The following PTPRT variants were observed in gnomAD, a reference collection of about 807,000 sequenced individuals.
PTPRT encodes the protein protein tyrosine phosphatase receptor type T.
PTPRT carries 56 observed loss-of-function variants against 176.8 expected under a neutral mutation model. That is an observed-to-expected ratio of 0.32 (90% CI 0.26 to 0.40). The LOEUF (loss-of-function observed/expected upper bound fraction) is 0.40, where lower values mean the gene tolerates loss of function less well. PTPRT is among the 10% of genes least tolerant of loss of function. The pLI is 1.00. For synonymous variants in PTPRT, 783 were observed against 739.0 expected, an observed-to-expected ratio of 1.06 and a Z score of -0.96; for missense variants, 1,540 against 1,908.2, an observed-to-expected ratio of 0.81 and a Z score of 3.60.
chr20:42,328,671 T>G (rs1391289623), intron 11 of PTPRT, among the ~76,000 whole-genome samples: 1 of 152,202 alleles, frequency 6.6e-6, no homozygotes, highest in Non-Finnish European at 1.5e-5. Context: ...TCAAAATACC[T>G]ATTTCAAATC....
intron 7 of PTPRT, among the ~76,000 whole-genome samples, chr20:42,517,132 G>T (rs1431416746): frequency 6.6e-6 from 1 of 152,022 alleles, no homozygotes; most frequent in Non-Finnish European, 1.5e-5. Context: ...CAAATGTTTG[G>T]TAAAACTTGC....
downstream of PTPRT, among the ~76,000 whole-genome samples, chr20:42,071,718 G>A (rs529131280): frequency 2.4e-4 from 36 of 152,170 alleles, no homozygotes; most frequent in East Asian, 1.2e-3. Context: ...CTGCAGTGGC[G>A]CAGTCTCAGC....
At chr20:42,135,613 G>T (rs1272797716) in intron 18 of PTPRT, among the ~76,000 whole-genome samples, 1 of 152,218 alleles carries the variant, frequency 6.6e-6, no homozygotes, top group Non-Finnish European at 1.5e-5. Context: ...AGATCTTACT[G>T]GAAATGGGCC....
intron 13 of PTPRT, among the ~76,000 whole-genome samples, chr20:42,251,169 G>T (rs1433489596): frequency 6.6e-6 from 1 of 152,152 alleles, no homozygotes; most frequent in South Asian, 2.1e-4. Flanking sequence ...TTGGAGGAAG[G>T]GTTGTCTCTG....
chr20:43,102,262 CTCTG>C (rs1344981071), intron 1 of PTPRT, among the ~76,000 whole-genome samples: 2 of 149,980 alleles, frequency 1.3e-5, no homozygotes, highest in Admixed American at 1.3e-4. Context: ...CTCTCTCTCT[CTCTG>C]TCTCTTTCAC....
At chr20:42,299,508 A>G (rs2057428797) in intron 12 of PTPRT, among the ~76,000 whole-genome samples, 1 of 152,150 alleles carries the variant, frequency 6.6e-6, no homozygotes, top group Non-Finnish European at 1.5e-5. Flanking sequence ...ATGTTGAACA[A>G]TAAGTAAATA....
chr20:42,546,014 T>G (rs2072667483), intron 7 of PTPRT, among the ~76,000 whole-genome samples: 1 of 152,198 alleles, frequency 6.6e-6, no homozygotes, highest in Admixed American at 6.5e-5. Context: ...TTATATCTCT[T>G]TCAATACATA....
chr20:42,820,596 T>TA lies in PTPRT; in HGVS notation c.215-29131dup, dbSNP rs199846804. Among the ~76,000 whole-genome samples the TA allele has an allele frequency of 8.3e-4, 125 of 151,036 alleles. 2 individuals carry two copies. The East Asian group carries it at 0.016, about 19-fold the overall frequency. On this transcript the variant is annotated intron_variant, in intron 2 of 30. Transcript: ENST00000373187. ...AGAAGAATTGAAGGAGATAGAGACATAAAAAAATCTCCAAATAATCAACAA... is the reference window on the plus strand; with the variant it reads ...AGAAGAATTGAAGGAGATAGAGACATAAAAAAAATCTCCAAATAATCAACAA...
intron 15 of PTPRT, among the ~76,000 whole-genome samples, chr20:42,222,008 C>T (rs943397427): frequency 6.6e-6 from 1 of 152,006 alleles, no homozygotes; most frequent in Non-Finnish European, 1.5e-5. Context: ...TGGTTTTCAT[C>T]TTTTCTATTG....
At position 42,932,797 on chromosome 20, in the gene PTPRT, C is replaced by T. The variant is rs114426908; in HGVS notation, c.89-46865G>A. Among the ~76,000 whole-genome samples, 777 of 152,310 alleles carry T rather than the reference C, an allele frequency of 5.1e-3. 6 individuals are homozygous for T. Among genetic ancestry groups the T allele is most frequent in the African/African-American group, 0.018 (745 of 41,568 alleles). ...TAGGTTACTTCTGAAACAACCGCTC[C>T]ACCTTCACGACCTCCTCAACAGGCG... On this transcript the variant is annotated intron_variant, in intron 1 of 30. Coordinates refer to ENST00000373187, the MANE Select transcript of PTPRT (RefSeq NM_007050.6).
At chr20:42,301,721 G>A (rs1490913376) in intron 12 of PTPRT, among the ~76,000 whole-genome samples, 1 of 152,118 alleles carries the variant, frequency 6.6e-6, no homozygotes, top group Non-Finnish European at 1.5e-5. Flanking sequence ...GTGGTAAACT[G>A]TTAGCAATTA....
chr20:42,093,338 A>T (rs576045899), intron 27 of PTPRT, among the ~76,000 whole-genome samples: 1 of 152,334 alleles, frequency 6.6e-6, no homozygotes, highest in African/African-American at 2.4e-5. Flanking sequence ...TTACCCCGCA[A>T]ATCTGACCAC....
intron 17 of PTPRT, among the ~76,000 whole-genome samples, chr20:42,148,092 C>T (rs190736591): frequency 2.2e-4 from 34 of 152,206 alleles, no homozygotes; most frequent in Non-Finnish European, 3.8e-4. Context: ...GCGCTAATCA[C>T]ATTCTTTTGA....
chr20:42,520,458 T>A (rs1431129336), intron 7 of PTPRT, among the ~76,000 whole-genome samples: 9 of 152,038 alleles, frequency 5.9e-5, no homozygotes, highest in Admixed American at 5.9e-4. Context: ...CAAATACACA[T>A]CCCCAGGCAC....
intron 2 of PTPRT, among the ~76,000 whole-genome samples, chr20:42,877,707 T>C (rs554315462): frequency 2.0e-4 from 31 of 152,306 alleles, no homozygotes; most frequent in African/African-American, 7.5e-4. Context: ...GAACCGAAGC[T>C]AGCTCTGTTT....
In PTPRT at chr20:42,098,403, G is replaced by A. The variant is rs942067861; in HGVS notation, c.3846+18C>T. On this transcript the variant is annotated intron_variant, in intron 27 of 30. Coordinates refer to ENST00000373187, the MANE Select transcript of PTPRT (RefSeq NM_007050.6). ...GGCCCCCCTGACCCACCTAGGGCTTGGCTTGGCCTCCTCCTACCTGGGCAG... is the reference window on the plus strand; with the variant it reads ...GGCCCCCCTGACCCACCTAGGGCTTAGCTTGGCCTCCTCCTACCTGGGCAG... 2 of 1,613,670 alleles carry A rather than the reference G, an allele frequency of 1.2e-6. No homozygotes were observed. The highest frequency in any genetic ancestry group is 1.7e-6 in the Non-Finnish European group (2 of 1,179,850).
chr20:42,174,136 T>TATGAAG (rs1990186517), intron 16 of PTPRT, among the ~76,000 whole-genome samples: 1 of 152,208 alleles, frequency 6.6e-6, no homozygotes, highest in East Asian at 1.9e-4. Context: ...GGAAAGTTAC[T>TATGAAG]TCATGCTTTC....
intron 14 of PTPRT, among the ~76,000 whole-genome samples, chr20:42,247,170 C>T (rs2056466385): frequency 6.6e-6 from 1 of 152,140 alleles, no homozygotes; most frequent in Non-Finnish European, 1.5e-5. Flanking sequence ...GCTCTTAAGC[C>T]ATTGTGCTGG....
intron 1 of PTPRT, among the ~76,000 whole-genome samples, chr20:42,887,645 T>C (rs2079124129): frequency 1.3e-5 from 2 of 152,182 alleles, no homozygotes; most frequent in Non-Finnish European, 2.9e-5. Context: ...TTCCTCTGGA[T>C]AGTGGTGGTG....
Sources: allele counts gnomAD v4.1 joint callset (sites outside exome capture counted in the v4.1 genomes callset), GRCh38; gene constraint gnomAD v4.1.1; transcripts MANE v1.5; gene names NCBI Gene and HGNC (gene_info 2026-07-23, HGNC 2026-07-21).